Variants in SPAG16 observed in about 807,000 individuals in gnomAD.
SPAG16 encodes the protein sperm-associated antigen 16 protein.
Under a neutral mutation model 80.4 loss-of-function variants are expected in SPAG16, and 86 were observed. The ratio of observed to expected loss-of-function variants is 1.07; its 90% CI spans 0.90 to 1.28. The LOEUF is 1.28. SPAG16 is among the 50% of genes most tolerant of loss of function. SPAG16 has a pLI of 0.00. For synonymous variants in SPAG16, 294 were observed against 265.9 expected, an observed-to-expected ratio of 1.11 and a Z score of -1.03; for missense variants, 870 against 765.3, an observed-to-expected ratio of 1.14 and a Z score of -1.61.
At chr2:213,412,624 A>AT (rs112769349) in intron 9 of SPAG16, among the ~76,000 whole-genome samples, 25 of 147,646 alleles carry the variant, frequency 1.7e-4, no homozygotes, top group East Asian at 7.8e-4. Context: ...TTGTTTGTTT[A>AT]TTTTTTTTTG....
At chr2:214,212,778 A>G (rs541386139) in intron 15 of SPAG16, among the ~76,000 whole-genome samples, 1 of 152,324 alleles carries the variant, frequency 6.6e-6, no homozygotes, top group South Asian at 2.1e-4. Context: ...TTTGAATACA[A>G]TTTCTGTCAC....
chr2:213,992,657 G>A (rs1180413138), intron 12 of SPAG16, among the ~76,000 whole-genome samples: 2 of 151,954 alleles, frequency 1.3e-5, no homozygotes, highest in Non-Finnish European at 2.9e-5. Flanking sequence ...GACTAGTACC[G>A]AATAATAGGT....
chr2:213,608,790 A>G (rs1434724290), intron 10 of SPAG16, among the ~76,000 whole-genome samples: 1 of 152,204 alleles, frequency 6.6e-6, no homozygotes, highest in Non-Finnish European at 1.5e-5. Context: ...CGTTCACGCC[A>G]TTCTCCTGCC....
At chr2:213,729,407 A>C (rs2066928844) in intron 10 of SPAG16, among the ~76,000 whole-genome samples, 2 of 152,216 alleles carry the variant, frequency 1.3e-5, no homozygotes, top group African/African-American at 4.8e-5. Context: ...AAGCTAATAA[A>C]ATGTACATAT....
intron 9 of SPAG16, among the ~76,000 whole-genome samples, chr2:213,444,642 T>C (rs779622508): frequency 6.6e-6 from 1 of 152,210 alleles, no homozygotes; most frequent in Non-Finnish European, 1.5e-5. Flanking sequence ...TTCCATTTTT[T>C]GTTCCCTCTT....
chr2:214,252,181 T>C (rs1223175988), intron 15 of SPAG16, among the ~76,000 whole-genome samples: 1 of 152,140 alleles, frequency 6.6e-6, no homozygotes, highest in Non-Finnish European at 1.5e-5. Context: ...AGGGGCAGTA[T>C]GGAATGATGG....
At chr2:213,610,434 T>C (rs2061405808) in intron 10 of SPAG16, among the ~76,000 whole-genome samples, 1 of 152,278 alleles carries the variant, frequency 6.6e-6, no homozygotes, top group East Asian at 1.9e-4. Flanking sequence ...CTGCTTTCTG[T>C]GAGATTTCGT....
At chr2:214,244,548 C>CA (rs1342942649) in intron 15 of SPAG16, among the ~76,000 whole-genome samples, 2 of 151,900 alleles carry the variant, frequency 1.3e-5, no homozygotes, top group African/African-American at 2.4e-5. Context: ...AACAAACCCA[C>CA]AAAAAATCAT....
At chr2:213,909,526 G>A (rs1394308663) in intron 11 of SPAG16, among the ~76,000 whole-genome samples, 1 of 151,906 alleles carries the variant, frequency 6.6e-6, no homozygotes, top group Admixed American at 6.6e-5. Context: ...TATCAAAACA[G>A]AGACATAGAT....
chr2:213,931,136 G>A (rs1399431375), intron 12 of SPAG16, among the ~76,000 whole-genome samples: 1 of 152,068 alleles, frequency 6.6e-6, no homozygotes, highest in Non-Finnish European at 1.5e-5. Context: ...ACTTTATTCA[G>A]TTTTTACCAT....
Position 213,641,248 on chromosome 2 carries a change from GC to G in SPAG16, c.1070+151159del, listed in dbSNP as rs764314237. ...AGCTGGCAGTGACAGGCCTCACCCAGCTCCCAGGAAGCCAGCAAGGCCAGTC... is the reference window on the plus strand; with the variant it reads ...AGCTGGCAGTGACAGGCCTCACCCAGTCCCAGGAAGCCAGCAAGGCCAGTC... On this transcript the variant is annotated intron_variant, in intron 10 of 15. Coordinates refer to ENST00000331683, the MANE Select transcript of SPAG16 (RefSeq NM_024532.5). Among the ~76,000 whole-genome samples, 370 of 152,290 alleles carry G rather than the reference GC, an allele frequency of 2.4e-3. 1 individual carries two copies. Among genetic ancestry groups the G allele is most frequent in the Non-Finnish European group, 4.1e-3 (277 of 68,024 alleles).
At chr2:213,377,905 T>A (rs7426086) in intron 9 of SPAG16, among the ~76,000 whole-genome samples, 578 of 14,394 alleles carry the variant, frequency 0.04, 1 homozygote, top group African/African-American at 0.21. Context: ...ATATATATAT[T>A]TTTTTTTTTT....
intron 10 of SPAG16, among the ~76,000 whole-genome samples, chr2:213,841,425 CT>C (rs919764857): frequency 6.6e-6 from 1 of 152,064 alleles, no homozygotes; most frequent in Admixed American, 6.5e-5. Context: ...CTTAATGTCA[CT>C]TTTTTTTCCA....
rs564642405 is a variant in SPAG16, at chr2:213,783,239, A to G, written c.1071-79246A>G. 2.9e-4 allele frequency among the ~76,000 whole-genome samples: 44 copies of G among 150,650 alleles called. 1 individual carries two copies. Among genetic ancestry groups the G allele is most frequent in the African/African-American group, 1.0e-3 (43 of 41,002 alleles). Reference sequence around the variant, plus strand: ...AAAGGACATGAACTCATCATTTTTTATGGCTGCATAGTATTCCATGGTGTA... The same window carrying G: ...AAAGGACATGAACTCATCATTTTTTGTGGCTGCATAGTATTCCATGGTGTA... On this transcript the variant is annotated intron_variant, in intron 10 of 15. Coordinates refer to ENST00000331683, the MANE Select transcript of SPAG16 (RefSeq NM_024532.5).
At chr2:213,295,709 T>A (rs963635882) in intron 1 of SPAG16, among the ~76,000 whole-genome samples, 70 of 152,276 alleles carry the variant, frequency 4.6e-4, no homozygotes, top group African/African-American at 1.7e-3. Flanking sequence ...AAAAAGTTAC[T>A]GTTTTTTCTT....
At chr2:213,385,361 T>C (rs1443672422) in intron 9 of SPAG16, among the ~76,000 whole-genome samples, 2 of 152,172 alleles carry the variant, frequency 1.3e-5, no homozygotes, top group South Asian at 4.1e-4. Flanking sequence ...TTCTGTGTTA[T>C]AGAAGAGTAC....
intron 10 of SPAG16, among the ~76,000 whole-genome samples, chr2:213,674,052 T>C (rs956815118): frequency 1.3e-5 from 2 of 152,170 alleles, no homozygotes; most frequent in African/African-American, 4.8e-5. Context: ...CTCATATTAC[T>C]TGAGAAATAT....
chr2:213,478,769 G>A (rs1195993796), intron 9 of SPAG16, among the ~76,000 whole-genome samples: 1 of 152,040 alleles, frequency 6.6e-6, no homozygotes, highest in Non-Finnish European at 1.5e-5. Context: ...CTCTGTGAGT[G>A]GTGGGAGGGG....
chr2:213,502,689 C>A (rs2074794702), intron 10 of SPAG16, among the ~76,000 whole-genome samples: 1 of 152,188 alleles, frequency 6.6e-6, no homozygotes, highest in Admixed American at 6.5e-5. Context: ...AGGCTTTTCA[C>A]ATAATTTCTC....
Sources: gnomAD v4.1 joint callset for allele counts (sites outside exome capture counted in the v4.1 genomes callset) on GRCh38, gnomAD v4.1.1 for gene constraint, MANE v1.5 for transcripts, NCBI Gene and HGNC (gene_info 2026-07-23, HGNC 2026-07-21) for gene names.